Variants in TCP11L1 observed in about 807,000 individuals in gnomAD.
The protein encoded by TCP11L1 is t-complex 11 like 1.
A neutral mutation model predicts 48.9 loss-of-function variants in TCP11L1; 28 were observed. The observed-to-expected ratio is 0.57, with a 90% confidence interval of 0.42 to 0.78. The LOEUF (loss-of-function observed/expected upper bound fraction) is 0.78, where lower values mean the gene tolerates loss of function less well. TCP11L1 is among the 30% of genes least tolerant of loss of function. The probability of loss-of-function intolerance (pLI) is 0.00; values close to 1 mark genes in which losing one functional copy is unlikely to be tolerated. For missense variants in TCP11L1, 505 were observed against 613.4 expected, an observed-to-expected ratio of 0.82 and a Z score of 1.87; for synonymous variants, 204 against 231.9, an observed-to-expected ratio of 0.88 and a Z score of 1.09.
chr11:33,056,683 A>C, intron 3 of TCP11L1: 1 of 249,246 alleles, frequency 4.0e-6, no homozygotes. Flanking sequence ...ACCTCAGGTG[A>C]ACTGCCTGCC....
At chr11:33,042,932 G>C (rs551907947) in intron 1 of TCP11L1, among the ~76,000 whole-genome samples, 9 of 152,216 alleles carry the variant, frequency 5.9e-5, no homozygotes, top group South Asian at 4.1e-4. Flanking sequence ...CAGGCATGGT[G>C]GTGGGCGCCT....
chr11:33,054,858 T>C (rs187643482), intron 3 of TCP11L1, 133 bp downstream of exon 3: 41 of 1,153,794 alleles, frequency 3.6e-5, no homozygotes, highest in East Asian at 1.1e-4. Flanking sequence ...AAAATATTCC[T>C]GAACAAGGAA....
chr11:33,042,244 C>T (rs1209208366), intron 1 of TCP11L1, among the ~76,000 whole-genome samples: 1 of 152,200 alleles, frequency 6.6e-6, no homozygotes, highest in Non-Finnish European at 1.5e-5. Context: ...CATTCTCCTG[C>T]TTCAGCCTCC....
At chr11:33,060,137 C>T (rs991141686) in intron 6 of TCP11L1, among the ~76,000 whole-genome samples, 2 of 152,062 alleles carry the variant, frequency 1.3e-5, no homozygotes, top group Non-Finnish European at 2.9e-5. Flanking sequence ...GATAGAGTCT[C>T]CTCACTCTGT....
At chr11:33,055,524 A>G (rs993003751) in intron 3 of TCP11L1, among the ~76,000 whole-genome samples, 14 of 152,208 alleles carry the variant, frequency 9.2e-5, no homozygotes, top group African/African-American at 2.7e-4. Context: ...TACCCTTGCT[A>G]TAAGTGAACC....
chr11:33,042,372 C>T (rs997157582), intron 1 of TCP11L1, among the ~76,000 whole-genome samples: 5 of 152,148 alleles, frequency 3.3e-5, no homozygotes, highest in Non-Finnish European at 2.9e-5. Context: ...CCTCATGATC[C>T]GCCTGTTTTA....
chr11:33,062,833 G>A (rs1360265218), intron 7 of TCP11L1, among the ~76,000 whole-genome samples: 6 of 152,206 alleles, frequency 3.9e-5, no homozygotes, highest in Admixed American at 3.9e-4. Context: ...CATTTATGTT[G>A]TAGTATGTGT....
At chr11:33,059,413 T>C (rs1854409014) in intron 6 of TCP11L1, among the ~76,000 whole-genome samples, 1 of 152,240 alleles carries the variant, frequency 6.6e-6, no homozygotes, top group Non-Finnish European at 1.5e-5. Flanking sequence ...GTCTTGATTT[T>C]TGAAAACATG....
Position 33,052,470 on chromosome 11 carries a change from T to TC in TCP11L1, c.164-2123_164-2122insC, listed in dbSNP as rs1491581756. ...ATGACCAGCTCTTCGATTTGGTTCC[T>TC]TTTTTTTTTTTCTTTTTTTTGGTGC... On this transcript the variant is annotated intron_variant, in intron 2 of 9. Coordinates refer to ENST00000334274, the MANE Select transcript of TCP11L1 (RefSeq NM_018393.4). Among the ~76,000 whole-genome samples the TC allele has an allele frequency of 4.1e-4, 24 of 58,938 alleles. No individual in the cohort carries two copies. In the East Asian group the frequency reaches 0.012, roughly 29 times the overall value. 38.7% of individuals were successfully genotyped at this position (58,938 alleles called of 152,430 possible).
intron 8 of TCP11L1, 53 bp from the exon 9 acceptor site, chr11:33,068,634 C>A: frequency 6.4e-7 from 1 of 1,570,700 alleles, no homozygotes; most frequent in Non-Finnish European, 8.7e-7. Context: ...GCGGTTGGAG[C>A]TGGTTAGAGG....
At chr11:33,060,365 A>G (rs1036047635) in intron 6 of TCP11L1, among the ~76,000 whole-genome samples, 5 of 152,158 alleles carry the variant, frequency 3.3e-5, no homozygotes, top group Non-Finnish European at 7.3e-5. Context: ...GGTTACGGAG[A>G]ATATTATCAG....
intron 2 of TCP11L1, among the ~76,000 whole-genome samples, chr11:33,045,369 A>AT (rs1853958911): frequency 6.6e-6 from 1 of 151,142 alleles, no homozygotes; most frequent in South Asian, 2.1e-4. Flanking sequence ...AAAAAAAAAA[A>AT]ATTAGCTGAG....
intron 9 of TCP11L1, among the ~76,000 whole-genome samples, chr11:33,071,208 G>A (rs1171095729): frequency 6.6e-6 from 1 of 152,058 alleles, no homozygotes; most frequent in Non-Finnish European, 1.5e-5. Flanking sequence ...CCAGCTACTC[G>A]GGAGGCAGAG....
chr11:33,059,166 C>T, intron 6 of TCP11L1, 71 bp downstream of exon 6: 1 of 1,565,040 alleles, frequency 6.4e-7, no homozygotes, highest in East Asian at 2.3e-5. Context: ...TAGCTTGTTG[C>T]ATAATATTAT....
rs200057366 is a variant in TCP11L1 at position 33,059,094 on chromosome 11, A to C, written c.774A>C (p.Pro258=). 34 of 1,613,478 alleles carry C rather than the reference A, an allele frequency of 2.1e-5. 1 individual carries two copies. The East Asian group carries it at 7.6e-4, about 36-fold the overall frequency. ...TTCAAGAGATTTTGGAGAGGCAACC[A>C]AGTATGTTGAATATTTTGTGGTACT... The part of the protein sequence containing the change: ...KKFQEILERQ[P]NSLDFVTQWL... The change falls in exon 6 of 10, where the codon CCA becomes CCC. Residue 258 remains proline (P), a splice_region_variant and synonymous_variant. Coordinates refer to ENST00000334274, the MANE Select transcript of TCP11L1 (RefSeq NM_018393.4).
chr11:33,061,405 A>G, intron 6 of TCP11L1, 125 bp from the exon 7 acceptor site: 1 of 975,442 alleles, frequency 1.0e-6, no homozygotes. Flanking sequence ...TCCAAGTTTT[A>G]TTTGATTCCA....
chr11:33,050,918 A>T (rs547250142), intron 2 of TCP11L1, among the ~76,000 whole-genome samples: 1 of 151,670 alleles, frequency 6.6e-6, no homozygotes, highest in East Asian at 1.9e-4. Context: ...GGCTTAAGCC[A>T]TCTTCCCGTC....
chr11:33,068,864 G>T lies in TCP11L1; in HGVS notation c.1327+5G>T. 3.7e-6 allele frequency: 6 copies of T among 1,608,366 alleles called. No homozygotes were observed. Among genetic ancestry groups the T allele is most frequent in the Non-Finnish European group, 4.3e-6 (5 of 1,175,354 alleles). ...ACCCCATTCGCAGGATCATGGGTAC[G>T]TTTGGGGAAGGCAGGCAGCAGGGAT... On this transcript the variant is annotated splice_donor_5th_base_variant and intron_variant, in intron 9 of 9. Transcript: ENST00000334274.
chr11:33,067,220 A>G (rs766652167), intron 8 of TCP11L1, among the ~76,000 whole-genome samples: 2 of 152,172 alleles, frequency 1.3e-5, no homozygotes, highest in South Asian at 2.1e-4. Flanking sequence ...CGCTCCTACC[A>G]TGGAGTCATG....
Sources: allele counts gnomAD v4.1 joint callset (sites outside exome capture counted in the v4.1 genomes callset), GRCh38; gene constraint gnomAD v4.1.1; transcripts MANE v1.5; gene names NCBI Gene and HGNC (gene_info 2026-07-23, HGNC 2026-07-21).